WDR72: variants seen among roughly 807,000 people sequenced by gnomAD.
The protein encoded by WDR72 is WD repeat domain 72, also known as WD repeat-containing protein 72.
In WDR72, 120 loss-of-function variants were observed where a neutral mutation model predicts 124.2. The ratio of observed to expected loss-of-function variants is 0.97; its 90% CI spans 0.83 to 1.12. WDR72 has a LOEUF of 1.12. Among genes scored for constraint, WDR72 ranks in the 50% most tolerant of loss-of-function variants. The pLI is 0.00. For synonymous variants in WDR72, 452 were observed against 441.7 expected (o/e 1.02, Z -0.29); for missense variants, 1,387 against 1,278.8 (o/e 1.08, Z -1.29).
In WDR72 at chr15:53,734,458, C is replaced by T. The variant is rs148156950; in HGVS notation, c.-12-1297G>A. On this transcript the variant is annotated intron_variant, in intron 1 of 19. Coordinates refer to ENST00000360509, the MANE Select transcript of WDR72 (RefSeq NM_182758.4). Reference sequence around the variant, plus strand: ...AGTTCTGATTTCAATAATACTGTAACCAGAACATGGACCTTCTTCTGCTTC... The same window carrying T: ...AGTTCTGATTTCAATAATACTGTAATCAGAACATGGACCTTCTTCTGCTTC... 2.6e-3 allele frequency among the ~76,000 whole-genome samples: 399 copies of T among 152,168 alleles called. 1 individual carries two copies. The highest frequency in any genetic ancestry group is 9.2e-3 in the African/African-American group (383 of 41,510).
At chr15:53,726,895 C>CCTA (rs145570305) in intron 2 of WDR72, among the ~76,000 whole-genome samples, 9,656 of 151,964 alleles carry the variant, frequency 0.064, 1,010 homozygotes, top group African/African-American at 0.22. Context: ...GGCTAATTCC[C>CCTA]CTATCTCATG....
intron 1 of WDR72, among the ~76,000 whole-genome samples, chr15:53,737,252 A>C (rs1373269093): frequency 1.3e-5 from 2 of 152,212 alleles, no homozygotes; most frequent in Non-Finnish European, 2.9e-5. Context: ...AATAGTGAGG[A>C]TATATCAAAG....
intron 2 of WDR72, among the ~76,000 whole-genome samples, chr15:53,731,040 G>A (rs2018186832): frequency 6.6e-6 from 1 of 152,056 alleles, no homozygotes; most frequent in Non-Finnish European, 1.5e-5. Context: ...ATCTTTACAT[G>A]GAGTATCTCA....
chr15:53,545,694 C>T (rs12909133), intron 18 of WDR72, among the ~76,000 whole-genome samples: 9 of 120,310 alleles, frequency 7.5e-5, no homozygotes, highest in Non-Finnish European at 1.1e-4. Context: ...GCTTCTGCAC[C>T]GCAAAAGAAA....
At chr15:53,526,743 C>G (rs954098490) in intron 18 of WDR72, among the ~76,000 whole-genome samples, 9 of 152,060 alleles carry the variant, frequency 5.9e-5, no homozygotes, top group Admixed American at 3.3e-4. Flanking sequence ...CATTTCAGAG[C>G]TTGGCAGAGA....
intron 8 of WDR72, 85 bp downstream of exon 8, chr15:53,711,251 A>G (rs770058479): frequency 6.8e-7 from 1 of 1,474,082 alleles, no homozygotes; most frequent in Non-Finnish European, 9.5e-7. Context: ...GATCATGGGC[A>G]GCATGCAGGG....
Position 53,597,142 on chromosome 15 carries a change from G to A in WDR72, c.3085C>T (p.Pro1029Ser). 1 of 1,613,810 alleles carries A rather than the reference G, an allele frequency of 6.2e-7. No individual in the cohort carries two copies. The highest frequency in any genetic ancestry group is 2.2e-5 in the East Asian group (1 of 44,842). Residue 1029 changes from proline to serine, a missense_variant, in exon 18 of 20, where the codon CCA becomes TCA. Transcript: ENST00000360509. ...NGNCEMKQML[P>S]KLEWTEELEL... ...AGTTCTTCTGTCCATTCCAGCTTTG[G>A]CAGCATCTGCTTCATCTCACAGTTA...
intron 6 of WDR72, among the ~76,000 whole-genome samples, chr15:53,713,988 T>G (rs1452515155): frequency 1.3e-5 from 2 of 152,122 alleles, no homozygotes; most frequent in Non-Finnish European, 2.9e-5. Context: ...TGGCTGTTCT[T>G]TTGTCCATCA....
chr15:53,754,410 A>G (rs528083143), intron 1 of WDR72, among the ~76,000 whole-genome samples: 3 of 152,180 alleles, frequency 2.0e-5, no homozygotes, highest in African/African-American at 7.2e-5. Flanking sequence ...GGCCAACAAA[A>G]ACCAGGCAAT....
intron 18 of WDR72, among the ~76,000 whole-genome samples, chr15:53,564,410 A>G (rs1006606921): frequency 6.6e-6 from 1 of 151,922 alleles, no homozygotes; most frequent in Non-Finnish European, 1.5e-5. Flanking sequence ...ATATCCTAGG[A>G]CAGCATCTAA....
intron 18 of WDR72, among the ~76,000 whole-genome samples, chr15:53,578,915 A>T (rs928538434): frequency 2.6e-5 from 4 of 152,078 alleles, no homozygotes; most frequent in African/African-American, 9.7e-5. Flanking sequence ...ATGCATCTGG[A>T]CTAGGAGAGT....
At chr15:53,713,413 A>ATTTTATTTTATTTTATTTTG (rs749786881) in intron 6 of WDR72, among the ~76,000 whole-genome samples, 40,129 of 112,110 alleles carry the variant, frequency 0.36, 7,287 homozygotes, top group Middle Eastern at 0.55. Context: ...ATTTTGTTGT[A>ATTTTATTTTATTTTATTTTG]TTTTATTTTA....
At chr15:53,630,723 G>A (rs1223734264) in intron 14 of WDR72, among the ~76,000 whole-genome samples, 6 of 152,190 alleles carry the variant, frequency 3.9e-5, no homozygotes, top group Admixed American at 3.3e-4. Flanking sequence ...TCTGATAGAG[G>A]GTATCTGTGG....
intron 17 of WDR72, among the ~76,000 whole-genome samples, chr15:53,607,135 C>T (rs1262825902): frequency 6.6e-6 from 1 of 151,918 alleles, no homozygotes; most frequent in African/African-American, 2.4e-5. Flanking sequence ...TTGTACAATT[C>T]ACAAAGGTAC....
chr15:53,613,136 T>C (rs1185019968), intron 16 of WDR72, among the ~76,000 whole-genome samples: 2 of 152,058 alleles, frequency 1.3e-5, no homozygotes, highest in African/African-American at 2.4e-5. Flanking sequence ...AAAAGCAGGT[T>C]TGGGAGATAC....
At position 53,734,454 on chromosome 15, in the gene WDR72, G is replaced by A. The variant is rs1032072378; in HGVS notation, c.-12-1293C>T. ...AGAGAGTTCTGATTTCAATAATACT[G>A]TAACCAGAACATGGACCTTCTTCTG... On this transcript the variant is annotated intron_variant, in intron 1 of 19. Coordinates refer to ENST00000360509, the MANE Select transcript of WDR72 (RefSeq NM_182758.4). Among the ~76,000 whole-genome samples, 5 of 152,182 alleles carry A rather than the reference G, an allele frequency of 3.3e-5. No individual in the cohort carries two copies. In the South Asian group the frequency reaches 6.2e-4, roughly 19 times the overall value.
At chr15:53,661,023 C>A (rs1333731747) in intron 14 of WDR72, among the ~76,000 whole-genome samples, 1 of 152,138 alleles carries the variant, frequency 6.6e-6, no homozygotes, top group Admixed American at 6.6e-5. Flanking sequence ...CACCTCTAGT[C>A]CACTGCCTGT....
chr15:53,628,283 A>T (rs189869390), intron 14 of WDR72, among the ~76,000 whole-genome samples: 44 of 152,304 alleles, frequency 2.9e-4, no homozygotes, highest in Middle Eastern at 3.4e-3. Context: ...TTAGAAGTGT[A>T]GTTAATGCAA....
chr15:53,712,800 A>C lies in WDR72; in HGVS notation c.683T>G (p.Leu228Arg). The C allele has an allele frequency of 1.9e-6, 3 of 1,613,270 alleles. No homozygotes were observed. Among genetic ancestry groups the C allele is most frequent in the Non-Finnish European group, 2.5e-6 (3 of 1,179,366 alleles). Residue 228 changes from leucine to arginine, a missense_variant, in exon 7 of 20, where the codon CTA (leucine) becomes CGA (arginine). Physicochemically the swap from Leu to Arg is moderately radical, Grantham distance 102 (BLOSUM62 -2). Transcript: ENST00000360509. ...IRFCTYTERL[L>R]LVVFSKCWKV... ...CCAACATTTAGAAAATACCACCAAT[A>C]GAAGTCTCTCAGTATATGTGCAAAA...
Sources: gnomAD v4.1 joint callset for allele counts (sites outside exome capture counted in the v4.1 genomes callset) on GRCh38, gnomAD v4.1.1 for gene constraint, MANE v1.5 for transcripts, NCBI Gene and HGNC (gene_info 2026-07-23, HGNC 2026-07-21) for gene names.